LGSN: variants seen among roughly 807,000 people sequenced by gnomAD.
LGSN encodes lengsin, lens protein with glutamine synthetase domain, also known as lengsin.
A neutral mutation model predicts 19.5 loss-of-function variants in LGSN; 21 were observed. That is an observed-to-expected ratio of 1.07 (90% confidence interval 0.76 to 1.55). The LOEUF is 1.55. Among genes scored for constraint, LGSN ranks in the 40% most tolerant of loss-of-function variants. The pLI, the probability that LGSN is intolerant of heterozygous loss-of-function variation, is 0.00. For synonymous variants in LGSN, 257 were observed against 215.6 expected (o/e 1.19, Z -1.68); for missense variants, 673 against 608.5 (o/e 1.11, Z -1.12).
the LGSN span, among the ~76,000 whole-genome samples, chr6:63,361,550 C>A: frequency 1.3e-5 from 2 of 152,180 alleles, no homozygotes; most frequent in African/African-American, 4.8e-5. Flanking sequence ...CAGGTGCCGT[C>A]TGTCACACCT....
chr6:63,528,446 C>T, the LGSN span, among the ~76,000 whole-genome samples: 1 of 150,568 alleles, frequency 6.6e-6, no homozygotes, highest in African/African-American at 2.4e-5. Context: ...TTTTTAAGGC[C>T]GGGTACAGTG....
the LGSN span, among the ~76,000 whole-genome samples, chr6:63,546,397 A>C: frequency 1.3e-5 from 2 of 152,144 alleles, no homozygotes; most frequent in East Asian, 3.8e-4. Context: ...AAAAATCAGG[A>C]GATGTTGTTT....
chr6:63,519,710 A>T, the LGSN span, among the ~76,000 whole-genome samples: 2 of 152,360 alleles, frequency 1.3e-5, no homozygotes, highest in East Asian at 3.9e-4. Flanking sequence ...AAAGGTATTA[A>T]GCAATTCATG....
intron 1 of LGSN, among the ~76,000 whole-genome samples, chr6:63,311,921 C>T (rs1768643856): frequency 6.6e-6 from 1 of 152,150 alleles, no homozygotes; most frequent in Non-Finnish European, 1.5e-5. Context: ...CTGTTAACCA[C>T]ATTCTACTCT....
At chr6:63,468,581 C>A in the LGSN span, among the ~76,000 whole-genome samples, 1 of 151,522 alleles carries the variant, frequency 6.6e-6, no homozygotes, top group African/African-American at 2.4e-5. Context: ...GTGCGTGCCA[C>A]CACACCTGCC....
the LGSN span, among the ~76,000 whole-genome samples, chr6:63,545,013 A>G: frequency 6.6e-6 from 1 of 152,176 alleles, no homozygotes; most frequent in Non-Finnish European, 1.5e-5. Flanking sequence ...CCAAATTATT[A>G]CCATGATAAT....
chr6:63,521,011 C>T, the LGSN span, among the ~76,000 whole-genome samples: 1 of 152,036 alleles, frequency 6.6e-6, no homozygotes, highest in Non-Finnish European at 1.5e-5. Flanking sequence ...CATGGTCTCA[C>T]TCATAAGTGG....
At chr6:63,485,719 T>G in the LGSN span, among the ~76,000 whole-genome samples, 1 of 152,100 alleles carries the variant, frequency 6.6e-6, no homozygotes, top group Non-Finnish European at 1.5e-5. Context: ...TGTGGACAGA[T>G]TAAAATTGTG....
At chr6:63,541,145 A>C in the LGSN span, among the ~76,000 whole-genome samples, 12 of 152,204 alleles carry the variant, frequency 7.9e-5, no homozygotes, top group Non-Finnish European at 1.3e-4. Flanking sequence ...TATATAGTTT[A>C]AAAGAAATCT....
the LGSN span, among the ~76,000 whole-genome samples, chr6:63,336,233 G>A: frequency 6.6e-6 from 1 of 152,114 alleles, no homozygotes; most frequent in Non-Finnish European, 1.5e-5. Flanking sequence ...AGCTAGAAGA[G>A]AGGACTTGAA....
the LGSN span, among the ~76,000 whole-genome samples, chr6:63,329,452 C>A: frequency 5.3e-5 from 8 of 152,362 alleles, no homozygotes; most frequent in Admixed American, 1.3e-4. Flanking sequence ...CTAGTCTCCA[C>A]TGACCGTTCG....
chr6:63,532,898 AT>A, the LGSN span, among the ~76,000 whole-genome samples: 8 of 152,206 alleles, frequency 5.3e-5, no homozygotes, highest in African/African-American at 1.7e-4. Context: ...TTTTTAGCTA[AT>A]CCATTAATAA....
At chr6:63,532,510 G>A in the LGSN span, among the ~76,000 whole-genome samples, 2 of 151,990 alleles carry the variant, frequency 1.3e-5, no homozygotes, top group Non-Finnish European at 2.9e-5. Flanking sequence ...TCTATACCAA[G>A]GCAGCTAGCT....
At chr6:63,481,289 T>G in the LGSN span, among the ~76,000 whole-genome samples, 2 of 151,900 alleles carry the variant, frequency 1.3e-5, no homozygotes, top group Non-Finnish European at 2.9e-5. Context: ...ACACTAAATC[T>G]CAGAATTCAC....
the LGSN span, among the ~76,000 whole-genome samples, chr6:63,474,582 C>T: frequency 7.2e-6 from 1 of 139,498 alleles, no homozygotes; most frequent in East Asian, 2.2e-4. Context: ...GCACTCCAGC[C>T]TGGGCCACAG....
the LGSN span, among the ~76,000 whole-genome samples, chr6:63,406,078 G>A: frequency 6.6e-6 from 1 of 152,008 alleles, no homozygotes; most frequent in East Asian, 1.9e-4. Flanking sequence ...AATAATAATG[G>A]GAGACTTTAA....
chr6:63,556,110 C>T, the LGSN span, among the ~76,000 whole-genome samples: 2 of 152,140 alleles, frequency 1.3e-5, no homozygotes, highest in East Asian at 3.9e-4. Context: ...TTTTGCAAAT[C>T]TAAGAATCTA....
chr6:63,319,392 A>G (rs534636379), intron 1 of LGSN, among the ~76,000 whole-genome samples: 50 of 152,332 alleles, frequency 3.3e-4, no homozygotes, highest in African/African-American at 1.2e-3. Context: ...GGTTGGGTAC[A>G]CACACATTAA....
chr6:63,565,988 T>TA, the LGSN span, among the ~76,000 whole-genome samples: 1 of 152,212 alleles, frequency 6.6e-6, no homozygotes, highest in South Asian at 2.1e-4. Context: ...ACCACCACAA[T>TA]AAAACAGGTA....
Sources: allele counts gnomAD v4.1 joint callset (sites outside exome capture counted in the v4.1 genomes callset), GRCh38; gene constraint gnomAD v4.1.1; transcripts MANE v1.5; gene names NCBI Gene and HGNC (gene_info 2026-07-23, HGNC 2026-07-21).